Variants in CHMP3 observed in about 807,000 individuals in gnomAD.
CHMP3 encodes the protein 25.1 protein.
In CHMP3, 8 loss-of-function variants were observed where a neutral mutation model predicts 27.4. The observed-to-expected ratio is 0.29, with a 90% CI of 0.17 to 0.53. CHMP3 has a LOEUF of 0.53. Ranked by LOEUF, CHMP3 falls within the 20% of genes least tolerant of loss-of-function variation. The pLI, the probability that CHMP3 is intolerant of heterozygous loss-of-function variation, is 0.96. For synonymous variants in CHMP3, 86 were observed against 85.5 expected (o/e 1.01, Z -0.03); for missense variants, 208 against 271.5 (o/e 0.77, Z 1.64).
intron 1 of CHMP3, among the ~76,000 whole-genome samples, chr2:86,549,246 C>T (rs1284943760): frequency 2.1e-5 from 3 of 145,738 alleles, no homozygotes; most frequent in Admixed American, 1.3e-4. Context: ...AGGCGCTCCT[C>T]GCCTCCCAGA....
At chr2:86,547,362 AAAGAGT>A (rs536885339) in intron 1 of CHMP3, among the ~76,000 whole-genome samples, 122 of 152,372 alleles carry the variant, frequency 8.0e-4, no homozygotes, top group African/African-American at 2.8e-3. Flanking sequence ...TTTAAATGTC[AAAGAGT>A]AAAAGTTTCA....
intron 1 of CHMP3, 187 bp downstream of exon 1, chr2:86,563,117 A>C: frequency 3.3e-6 from 2 of 604,178 alleles, no homozygotes; most frequent in Middle Eastern, 3.1e-4. Flanking sequence ...TGGCACCAGG[A>C]GCTCTCGCGT....
intron 2 of CHMP3, 152 bp downstream of exon 2, chr2:86,542,100 C>T (rs1275042124): frequency 4.0e-6 from 3 of 748,814 alleles, no homozygotes; most frequent in Non-Finnish European, 6.3e-6. Context: ...ATACTGATTA[C>T]AGAATTAAAA....
intron 4 of CHMP3, among the ~76,000 whole-genome samples, chr2:86,509,230 G>A (rs1382443993): frequency 2.0e-5 from 3 of 152,196 alleles, no homozygotes; most frequent in South Asian, 2.1e-4. Context: ...GAGTTAAAAT[G>A]AGCAAGCCTG....
intron 2 of CHMP3, among the ~76,000 whole-genome samples, chr2:86,530,702 G>A (rs1183079193): frequency 1.3e-5 from 2 of 152,156 alleles, no homozygotes; most frequent in African/African-American, 2.4e-5. Context: ...AGAACTGTTA[G>A]GTTATAGGGT....
intron 2 of CHMP3, among the ~76,000 whole-genome samples, chr2:86,538,615 T>C (rs1676239708): frequency 6.6e-6 from 1 of 152,192 alleles, no homozygotes. Flanking sequence ...CTTTTCTGCA[T>C]TTTCACATGT....
chr2:86,555,764 A>G (rs770302580), intron 1 of CHMP3, among the ~76,000 whole-genome samples: 28 of 152,142 alleles, frequency 1.8e-4, no homozygotes, highest in Non-Finnish European at 3.4e-4. Context: ...TCTTCTGTGT[A>G]TGTCAAATCT....
intron 3 of CHMP3, among the ~76,000 whole-genome samples, chr2:86,523,310 C>T (rs1675582437): frequency 6.6e-6 from 1 of 152,258 alleles, no homozygotes; most frequent in Admixed American, 6.5e-5. Flanking sequence ...TTTCAGGATT[C>T]ATCAGTGCCT....
intron 3 of CHMP3, 61 bp downstream of exon 3, chr2:86,529,157 G>C: frequency 7.0e-7 from 1 of 1,434,412 alleles, no homozygotes; most frequent in East Asian, 2.6e-5. Context: ...CAAGGAACCC[G>C]TGTTGATAAT....
intron 1 of CHMP3, among the ~76,000 whole-genome samples, chr2:86,555,718 G>A (rs1235966621): frequency 1.3e-5 from 2 of 152,104 alleles, no homozygotes; most frequent in African/African-American, 2.4e-5. Flanking sequence ...AGCATCTTCA[G>A]TGCTGTCTCT....
intron 1 of CHMP3, among the ~76,000 whole-genome samples, 191 bp from the exon 2 acceptor site, chr2:86,542,503 G>A (rs934517541): frequency 6.6e-6 from 1 of 152,124 alleles, no homozygotes; most frequent in Admixed American, 6.5e-5. Context: ...GTGCACAGGA[G>A]TTTTAAGTTA....
chr2:86,522,386 A>G (rs1303709933), intron 3 of CHMP3, among the ~76,000 whole-genome samples: 1 of 151,988 alleles, frequency 6.6e-6, no homozygotes, highest in African/African-American at 2.4e-5. Flanking sequence ...GCTGTATTTA[A>G]TCTCCCAACA....
intron 2 of CHMP3, chr2:86,541,505 C>T (rs1676359094): frequency 6.6e-6 from 1 of 152,168 alleles, no homozygotes; most frequent in South Asian, 2.1e-4. Flanking sequence ...AATGTCCTTC[C>T]ATGGGCTATA....
intron 1 of CHMP3, among the ~76,000 whole-genome samples, chr2:86,560,469 G>A (rs564354078): frequency 2.0e-5 from 3 of 151,768 alleles, no homozygotes; most frequent in Admixed American, 6.6e-5. Flanking sequence ...TCAGAAAACC[G>A]AACACCGCAT....
At chr2:86,541,508 G>A (rs1176491067) in intron 2 of CHMP3, 2 of 152,016 alleles carry the variant, frequency 1.3e-5, no homozygotes, top group Non-Finnish European at 2.9e-5. Flanking sequence ...GTCCTTCCAT[G>A]GGCTATAATC....
chr2:86,511,597 T>C (rs1325382520), intron 3 of CHMP3: 2 of 151,802 alleles, frequency 1.3e-5, no homozygotes, highest in East Asian at 3.9e-4. Flanking sequence ...AAAATTACTA[T>C]TGATTATATA....
At chr2:86,524,812 AT>A (rs1387048156) in intron 3 of CHMP3, among the ~76,000 whole-genome samples, 1 of 152,180 alleles carries the variant, frequency 6.6e-6, no homozygotes, top group African/African-American at 2.4e-5. Context: ...ATAGAGATTC[AT>A]TTGGGTATTC....
intron 1 of CHMP3, among the ~76,000 whole-genome samples, chr2:86,558,288 T>G (rs1033831810): frequency 6.6e-6 from 1 of 152,190 alleles, no homozygotes; most frequent in Non-Finnish European, 1.5e-5. Context: ...TGGTCTTTAC[T>G]TGCATCCTTT....
chr2:86,560,164 C>A (rs1677289348), intron 1 of CHMP3, among the ~76,000 whole-genome samples: 1 of 152,114 alleles, frequency 6.6e-6, no homozygotes, highest in Admixed American at 6.6e-5. Context: ...ACTCAGGAGA[C>A]TGAGGCAGGA....
Sources: gnomAD v4.1 joint callset for allele counts (sites outside exome capture counted in the v4.1 genomes callset) on GRCh38, gnomAD v4.1.1 for gene constraint, MANE v1.5 for transcripts, NCBI Gene and HGNC (gene_info 2026-07-23, HGNC 2026-07-21) for gene names.